SSBP3: variants seen among roughly 807,000 people sequenced by gnomAD.
SSBP3 encodes single-stranded DNA-binding protein 3.
In SSBP3, 5 loss-of-function variants were observed where a neutral mutation model predicts 69.6. The observed-to-expected ratio is 0.07, with a 90% CI of 0.04 to 0.15. The LOEUF is 0.15. Among genes scored for constraint, SSBP3 ranks in the 10% least tolerant of loss-of-function variants. The pLI is 1.00. For synonymous variants in SSBP3, 196 were observed against 193.4 expected, an observed-to-expected ratio of 1.01 and a Z score of -0.11; for missense variants, 312 against 534.0, an observed-to-expected ratio of 0.58 and a Z score of 4.10.
intron 4 of SSBP3, among the ~76,000 whole-genome samples, chr1:54,395,516 C>A (rs3855976): frequency 0.02 from 3,112 of 152,290 alleles, 55 homozygotes; most frequent in African/African-American, 0.046. Context: ...CAGTCTGTGA[C>A]AGGACTGCCA....
chr1:54,359,338 C>T (rs2100623632), intron 4 of SSBP3, among the ~76,000 whole-genome samples: 1 of 152,156 alleles, frequency 6.6e-6, no homozygotes, highest in South Asian at 2.1e-4. Context: ...GTAGTGAGTT[C>T]CCCATCACTG....
In SSBP3 at chr1:54,239,211, T is replaced by C. The variant is rs201671456; in HGVS notation, c.857-12A>G. 148 of 1,599,606 alleles carry C rather than the reference T, an allele frequency of 9.3e-5. No homozygotes were observed. The Middle Eastern group carries it at 1.0e-3, about 11-fold the overall frequency. On this transcript the variant is annotated splice_polypyrimidine_tract_variant and intron_variant, in intron 13 of 17. Transcript: ENST00000610401. ...GGAATTTGTTGAATCTGTAGAACAG[T>C]GGAAACCCACAAGTCGGGGTGATTA... is the stretch of plus-strand genomic sequence containing the variant.
At chr1:54,243,353 G>A (rs1644675803) in intron 9 of SSBP3, 54 bp from the exon 10 acceptor site, 7 of 1,599,484 alleles carry the variant, frequency 4.4e-6, no homozygotes, top group South Asian at 2.2e-5. Flanking sequence ...GGAGACAGGA[G>A]GAGGGAGGAG....
chr1:54,322,035 T>A lies in SSBP3; in HGVS notation c.277-40508A>T, dbSNP rs72912112. ...TTCAGGACTGGAAAATGAATAGGTC[T>A]ACCAGACCTCAAAGGCTGCAGGTGG... On this transcript the variant is annotated intron_variant, in intron 4 of 17. Coordinates refer to ENST00000610401, the Ensembl canonical transcript of SSBP3. Among the ~76,000 whole-genome samples the A allele has an allele frequency of 4.4e-3, 671 of 152,296 alleles. 6 individuals are homozygous for A. Among genetic ancestry groups the A allele is most frequent in the African/African-American group, 0.016 (645 of 41,570 alleles).
intron 12 of SSBP3, among the ~76,000 whole-genome samples, chr1:54,241,265 G>A (rs1644632807): frequency 6.6e-6 from 1 of 152,156 alleles, no homozygotes. Context: ...CTCCCCAGAA[G>A]GCAATTCCAC....
At chr1:54,404,801 A>T in intron 2 of SSBP3, 57 bp downstream of exon 2, 3 of 687,900 alleles carry the variant, frequency 4.4e-6, no homozygotes, top group Non-Finnish European at 6.8e-6. Flanking sequence ...AAAGGCTCTA[A>T]GAATAGTGGG....
At chr1:54,310,730 T>C (rs1247635437) in intron 4 of SSBP3, among the ~76,000 whole-genome samples, 1 of 152,192 alleles carries the variant, frequency 6.6e-6, no homozygotes, top group Non-Finnish European at 1.5e-5. Flanking sequence ...GAGTTCCAAC[T>C]CTGTGCTTCC....
At chr1:54,345,382 C>G (rs1167436042) in intron 4 of SSBP3, among the ~76,000 whole-genome samples, 2 of 152,110 alleles carry the variant, frequency 1.3e-5, no homozygotes, top group Non-Finnish European at 2.9e-5. Context: ...CTCTAAAAAC[C>G]ACCCGAGTCT....
At chr1:54,277,375 C>T (rs78274393) in intron 5 of SSBP3, among the ~76,000 whole-genome samples, 1,815 of 152,238 alleles carry the variant, frequency 0.012, 36 homozygotes, top group South Asian at 0.061. Flanking sequence ...TATCTCCTTT[C>T]GGTCTCTCCC....
At chr1:54,375,520 G>A (rs974724868) in intron 4 of SSBP3, among the ~76,000 whole-genome samples, 29 of 152,254 alleles carry the variant, frequency 1.9e-4, no homozygotes, top group African/African-American at 6.3e-4. Context: ...TACTCCTGCT[G>A]CCAGCCACTT....
At position 54,319,596 on chromosome 1, in the gene SSBP3, C is replaced by CCACG. The variant is rs1411458304; in HGVS notation, c.277-38073_277-38070dup. Among the ~76,000 whole-genome samples the CCACG allele has an allele frequency of 9.9e-5, 15 of 152,208 alleles. No homozygotes were observed. In the East Asian group the frequency reaches 2.5e-3, roughly 26 times the overall value. On this transcript the variant is annotated intron_variant, in intron 4 of 17. Transcript: ENST00000610401. ...GGAAGGTCCTCAGCATCCCCTACCTCCACGCAAGCCAACTTTCTGTGCTCC... is the reference window on the plus strand; with the variant it reads ...GGAAGGTCCTCAGCATCCCCTACCTCCACGCACGCAAGCCAACTTTCTGTGCTCC...
At chr1:54,383,248 T>C (rs1249844594) in intron 4 of SSBP3, among the ~76,000 whole-genome samples, 1 of 151,028 alleles carries the variant, frequency 6.6e-6, no homozygotes, top group African/African-American at 2.4e-5. Flanking sequence ...CGTGGTGGCG[T>C]GAGCCTGTAG....
intron 4 of SSBP3, among the ~76,000 whole-genome samples, chr1:54,372,111 G>C (rs931455696): frequency 6.6e-6 from 1 of 152,158 alleles, no homozygotes; most frequent in Non-Finnish European, 1.5e-5. Context: ...CTGGTCTCCC[G>C]AGCCTGACTC....
chr1:54,362,219 A>G (rs1352357355), intron 4 of SSBP3, among the ~76,000 whole-genome samples: 4 of 152,228 alleles, frequency 2.6e-5, no homozygotes, highest in Non-Finnish European at 4.4e-5. Context: ...TCCTCATGCT[A>G]GACCCAGAGC....
chr1:54,305,025 C>T (rs1463849305), intron 4 of SSBP3, among the ~76,000 whole-genome samples: 2 of 152,160 alleles, frequency 1.3e-5, no homozygotes, highest in Non-Finnish European at 2.9e-5. Flanking sequence ...GGCTGTCCTC[C>T]ACGCCAGCTG....
intron 4 of SSBP3, among the ~76,000 whole-genome samples, chr1:54,289,891 AC>A (rs1376564428): frequency 6.6e-6 from 1 of 152,086 alleles, no homozygotes; most frequent in Non-Finnish European, 1.5e-5. Flanking sequence ...GGAGCCAGCC[AC>A]CTAGTCAGAG....
intron 4 of SSBP3, among the ~76,000 whole-genome samples, chr1:54,308,691 C>G (rs1645945189): frequency 6.6e-6 from 1 of 151,824 alleles, no homozygotes; most frequent in South Asian, 2.1e-4. Context: ...TCACTCGAAC[C>G]CAGAAGGCAG....
At chr1:54,282,074 A>AATAATAATAATAAT (rs1553130865) in intron 4 of SSBP3, among the ~76,000 whole-genome samples, 193 of 125,038 alleles carry the variant, frequency 1.5e-3, no homozygotes, top group African/African-American at 4.8e-3. Flanking sequence ...ATAATAATAA[A>AATAATAATAATAAT]AAAATGGGGG....
At chr1:54,240,875 A>AC (rs768854981) in intron 13 of SSBP3, 30 bp downstream of exon 13, 2 of 1,610,888 alleles carry the variant, frequency 1.2e-6, no homozygotes, top group Admixed American at 1.7e-5. Flanking sequence ...CCACCACCAG[A>AC]CCCCCCACTT....
Sources: allele counts gnomAD v4.1 joint callset (sites outside exome capture counted in the v4.1 genomes callset), GRCh38; gene constraint gnomAD v4.1.1; transcripts MANE v1.5; gene names NCBI Gene and HGNC (gene_info 2026-07-23, HGNC 2026-07-21).